The following PPP1R37 variants were observed in gnomAD, a reference collection of about 807,000 sequenced individuals.
The protein encoded by PPP1R37 is protein phosphatase 1 regulatory subunit 37.
Under a neutral mutation model 61.0 loss-of-function variants are expected in PPP1R37, and 21 were observed. The observed-to-expected ratio is 0.34, with a 90% CI of 0.24 to 0.50. The LOEUF is 0.50. PPP1R37 is among the 20% of genes least tolerant of loss of function. PPP1R37 has a pLI of 0.98. For missense variants in PPP1R37, 910 were observed against 952.7 expected (o/e 0.96, Z 0.59); for synonymous variants, 443 against 433.5 (o/e 1.02, Z -0.27).
At position 45,144,884 on chromosome 19, in the gene PPP1R37, C is replaced by T. The variant is rs1476255833; in HGVS notation, c.1018C>T (p.Leu340=). The change falls in exon 9 of 13, where the codon CTG becomes TTG. Residue 340 remains leucine, a synonymous_variant. Transcript: ENST00000221462. ...PHTQSLETLN[L]GHNPIGNEGV... Reference sequence around the variant, plus strand: ...CACTCAGAGCCTGGAGACGCTGAACCTGGGCCACAACCCCATCGGGAACGA... The same window carrying T: ...CACTCAGAGCCTGGAGACGCTGAACTTGGGCCACAACCCCATCGGGAACGA... 5.9e-6 allele frequency: 9 copies of T among 1,535,244 alleles called. No homozygotes were observed. The East Asian group carries it at 2.2e-4, about 38-fold the overall frequency.
intron 7 of PPP1R37, 54 bp downstream of exon 7, chr19:45,142,512 C>T (rs1035512601): frequency 2.1e-5 from 31 of 1,494,036 alleles, no homozygotes; most frequent in South Asian, 3.7e-5. Flanking sequence ...CCACTCTGCC[C>T]GGCCCTGCGC....
intron 1 of PPP1R37, 98 bp downstream of exon 1, chr19:45,093,625 G>A (rs1967952846): frequency 2.3e-6 from 2 of 851,528 alleles, no homozygotes; most frequent in Non-Finnish European, 3.6e-6. Flanking sequence ...TCAATAGATT[G>A]CACCTAATGG....
intron 1 of PPP1R37, among the ~76,000 whole-genome samples, chr19:45,117,768 T>C (rs1478399318): frequency 6.6e-6 from 1 of 152,204 alleles, no homozygotes; most frequent in Non-Finnish European, 1.5e-5. Flanking sequence ...GGGCAGCTGG[T>C]AGACCGGGCT....
intron 1 of PPP1R37, among the ~76,000 whole-genome samples, chr19:45,134,883 T>C (rs1717381077): frequency 6.6e-6 from 1 of 152,240 alleles, no homozygotes; most frequent in African/African-American, 2.4e-5. Context: ...GTCTGATTGC[T>C]GTGTGGGGAG....
intron 1 of PPP1R37, among the ~76,000 whole-genome samples, chr19:45,098,057 G>A (rs968867267): frequency 8.5e-5 from 13 of 152,226 alleles, no homozygotes; most frequent in Admixed American, 7.8e-4. Flanking sequence ...CCACCAGGAT[G>A]TCAGAGGATA....
chr19:45,132,788 C>T (rs1278927258), intron 1 of PPP1R37, among the ~76,000 whole-genome samples: 2 of 151,572 alleles, frequency 1.3e-5, no homozygotes, highest in African/African-American at 2.4e-5. Flanking sequence ...AGGCTGGTCT[C>T]GAATTCCTGG....
At chr19:45,137,366 C>T (rs1482880181) in intron 1 of PPP1R37, among the ~76,000 whole-genome samples, 1 of 152,232 alleles carries the variant, frequency 6.6e-6, no homozygotes, top group Non-Finnish European at 1.5e-5. Flanking sequence ...TAAGAGAAGC[C>T]AACCGCAGAA....
intron 1 of PPP1R37, among the ~76,000 whole-genome samples, chr19:45,107,371 G>A (rs1267797475): frequency 2.0e-5 from 3 of 151,978 alleles, no homozygotes; most frequent in Non-Finnish European, 2.9e-5. Context: ...GGAAGCCAAG[G>A]TGGGCAGATC....
chr19:45,097,496 C>T (rs1463161322), intron 1 of PPP1R37, among the ~76,000 whole-genome samples: 1 of 151,746 alleles, frequency 6.6e-6, no homozygotes, highest in Non-Finnish European at 1.5e-5. Flanking sequence ...CAGTGGTGGC[C>T]CAGCTGGGTG....
At position 45,106,366 on chromosome 19, in the gene PPP1R37, C is replaced by T. The variant is rs1417669023; in HGVS notation, c.202+12839C>T. Among the ~76,000 whole-genome samples the T allele has an allele frequency of 2.6e-5, 4 of 152,000 alleles. No homozygotes were observed. The East Asian group carries it at 5.8e-4, about 22-fold the overall frequency. On this transcript the variant is annotated intron_variant, in intron 1 of 12. Transcript: ENST00000221462. ...AAGCGATTCTCCTGCCTCAGCCTCC[C>T]AAGTAGCTGGGATTATAGGCATGCG... is the stretch of plus-strand genomic sequence containing the variant.
At chr19:45,116,179 G>C (rs1211998043) in intron 1 of PPP1R37, among the ~76,000 whole-genome samples, 1 of 152,184 alleles carries the variant, frequency 6.6e-6, no homozygotes, top group Non-Finnish European at 1.5e-5. Context: ...CAAGAGACTT[G>C]GAAAGCCATG....
intron 1 of PPP1R37, among the ~76,000 whole-genome samples, chr19:45,094,331 C>T (rs1363133076): frequency 2.0e-5 from 3 of 151,988 alleles, no homozygotes; most frequent in Non-Finnish European, 1.5e-5. Context: ...CCGCCTCCTC[C>T]TCCAAAAAAA....
intron 1 of PPP1R37, chr19:45,128,622 C>T: frequency 7.9e-7 from 1 of 1,265,646 alleles, no homozygotes; most frequent in Admixed American, 1.8e-5. Context: ...GGCCTCCTTC[C>T]CAATGCAGTG....
chr19:45,097,377 G>C (rs1029921629), intron 1 of PPP1R37, among the ~76,000 whole-genome samples: 1 of 152,004 alleles, frequency 6.6e-6, no homozygotes, highest in Non-Finnish European at 1.5e-5. Flanking sequence ...TAGAGATGGA[G>C]CGCTGCCTAG....
intron 1 of PPP1R37, among the ~76,000 whole-genome samples, chr19:45,118,531 T>A (rs1386444100): frequency 1.3e-5 from 2 of 152,166 alleles, no homozygotes; most frequent in African/African-American, 4.8e-5. Context: ...TTCCCAGGGA[T>A]GTGCTAAGGT....
In PPP1R37 at chr19:45,142,672, T is replaced by C. The variant is rs905800174; in HGVS notation, c.874+214T>C. 30 of 572,450 alleles carry C rather than the reference T, an allele frequency of 5.2e-5. No homozygotes were observed. In the African/African-American group the frequency reaches 5.5e-4, roughly 10 times the overall value. 35.5% of individuals were successfully genotyped at this position (572,450 alleles called of 1,614,324 possible). On this transcript the variant is annotated intron_variant, in intron 7 of 12. Transcript: ENST00000221462. ...GAGCCCAGAGGCGGGGTCCGATCAG[T>C]CTGGGGGCCAGGGAGGGCTTCCAGG...
Position 45,144,041 on chromosome 19 carries a change from G to A in PPP1R37, c.987+408G>A, listed in dbSNP as rs192431417. On this transcript the variant is annotated intron_variant, in intron 8 of 12. Transcript: ENST00000221462. The stretch of plus-strand genomic sequence containing the variant: ...TTTTTATTTTTATTTTTTTTGAGAC[G>A]GAGCCTCAATCGCCCAGGCTGGAGT... 12 of 153,702 alleles carry A rather than the reference G, an allele frequency of 7.8e-5. 1 individual carries two copies. In the South Asian group the frequency reaches 9.4e-4, roughly 12 times the overall value. The allele number at this position is 153,702 out of a possible 1,614,324, so 9.5% of individuals were successfully genotyped here.
intron 7 of PPP1R37, 58 bp from the exon 8 acceptor site, chr19:45,143,463 C>A: frequency 9.5e-7 from 1 of 1,048,714 alleles, no homozygotes; most frequent in Non-Finnish European, 1.4e-6. Context: ...ACCCTGCAGT[C>A]CCCTCCCCAG....
intron 2 of PPP1R37, among the ~76,000 whole-genome samples, chr19:45,139,126 A>C (rs1194131924): frequency 6.6e-6 from 1 of 152,050 alleles, no homozygotes; most frequent in African/African-American, 2.4e-5. Context: ...CATGTTGGCC[A>C]GACTGGTCTC....
Sources: gnomAD v4.1 joint callset for allele counts (sites outside exome capture counted in the v4.1 genomes callset) on GRCh38, gnomAD v4.1.1 for gene constraint, MANE v1.5 for transcripts, NCBI Gene and HGNC (gene_info 2026-07-23, HGNC 2026-07-21) for gene names.